The following TTC27 variants were observed in gnomAD, a reference collection of about 807,000 sequenced individuals.
TTC27 encodes tetratricopeptide repeat domain 27.
Under a neutral mutation model 115.9 loss-of-function variants are expected in TTC27, and 79 were observed. The observed-to-expected ratio is 0.68, with a 90% CI of 0.57 to 0.82. The LOEUF (loss-of-function observed/expected upper bound fraction) is 0.82, where lower values mean the gene tolerates loss of function less well. TTC27 is among the 40% of genes least tolerant of loss of function. The pLI, the probability that TTC27 is intolerant of heterozygous loss-of-function variation, is 0.00. For synonymous variants in TTC27, 401 were observed against 356.0 expected (o/e 1.13, Z -1.42); for missense variants, 1,054 against 993.1 (o/e 1.06, Z -0.82).
intron 2 of TTC27, among the ~76,000 whole-genome samples, chr2:32,633,241 GCTCT>G (rs1395592453): frequency 6.6e-5 from 10 of 151,976 alleles, no homozygotes; most frequent in Admixed American, 5.2e-4. Context: ...AGATAGAAGT[GCTCT>G]CTATCTTCAT....
intron 2 of TTC27, 140 bp from the exon 3 acceptor site, chr2:32,633,736 T>C (rs1459204281): frequency 8.3e-6 from 8 of 967,020 alleles, no homozygotes; most frequent in Middle Eastern, 3.0e-4. Flanking sequence ...AGAAATTTTT[T>C]TTTTTGGTAA....
intron 9 of TTC27, among the ~76,000 whole-genome samples, chr2:32,700,316 T>A (rs1363752975): frequency 6.6e-6 from 1 of 152,128 alleles, no homozygotes; most frequent in East Asian, 1.9e-4. Context: ...CTTCCCCAGG[T>A]CACTTGGTGG....
intron 6 of TTC27, among the ~76,000 whole-genome samples, chr2:32,665,464 G>A (rs188109728): frequency 3.0e-4 from 46 of 152,292 alleles, no homozygotes; most frequent in Admixed American, 1.3e-4. Flanking sequence ...ATACTTAATT[G>A]TTGGTATATT....
chr2:32,650,908 G>T (rs552791491), intron 5 of TTC27, among the ~76,000 whole-genome samples: 1 of 152,050 alleles, frequency 6.6e-6, no homozygotes, highest in Non-Finnish European at 1.5e-5. Context: ...TATTCCTCCT[G>T]TATCCTAGGG....
intron 8 of TTC27, among the ~76,000 whole-genome samples, chr2:32,676,365 A>G (rs1282391865): frequency 6.6e-6 from 1 of 151,970 alleles, no homozygotes; most frequent in Non-Finnish European, 1.5e-5. Context: ...TTTCTTTTCC[A>G]ACAATAAAAA....
intron 17 of TTC27, 149 bp downstream of exon 17, chr2:32,811,370 G>A (rs1049953509): frequency 3.9e-5 from 29 of 745,372 alleles, no homozygotes; most frequent in African/African-American, 1.6e-4. Context: ...TTTAACCTAC[G>A]TACTTTGAAT....
intron 7 of TTC27, among the ~76,000 whole-genome samples, chr2:32,672,045 T>A (rs1666032887): frequency 6.6e-6 from 1 of 152,250 alleles, no homozygotes; most frequent in African/African-American, 2.4e-5. Flanking sequence ...ATAGCTGTTA[T>A]TCCCTATTAT....
chr2:32,784,757 G>A (rs966277161), intron 15 of TTC27, among the ~76,000 whole-genome samples: 2 of 152,152 alleles, frequency 1.3e-5, no homozygotes, highest in Non-Finnish European at 2.9e-5. Context: ...GGACATATAG[G>A]AAAAAGGATA....
rs143908434 is a variant in TTC27, at chr2:32,666,702, G to C, written c.873G>C (p.Arg291Ser). Residue 291 changes from arginine (R) to serine (S), a missense_variant, in exon 7 of 20, where the codon AGG becomes AGC. By Grantham distance (110) the Arg-to-Ser change is moderately radical (BLOSUM62 -1). Coordinates refer to ENST00000317907, the MANE Select transcript of TTC27 (RefSeq NM_017735.5). ...CACAACTGATTCTAGATGTAAGAAG[G>C]GAAGGGGATGTCCTTTCAAATTGTG... ...YVAQLILDVR[R>S]EGDVLSNCEF... is the part of the protein sequence containing the mutation. 18 of 1,614,026 alleles carry C rather than the reference G, an allele frequency of 1.1e-5. No homozygotes were observed. Among genetic ancestry groups the C allele is most frequent in the African/African-American group, 1.3e-5 (1 of 75,018 alleles).
At chr2:32,684,336 T>A (rs1441854550) in intron 9 of TTC27, among the ~76,000 whole-genome samples, 2 of 152,080 alleles carry the variant, frequency 1.3e-5, no homozygotes, top group Non-Finnish European at 2.9e-5. Context: ...GTTGGACATT[T>A]GGGTTGGTTC....
intron 9 of TTC27, among the ~76,000 whole-genome samples, chr2:32,680,465 T>C (rs1389701561): frequency 6.6e-6 from 1 of 151,792 alleles, no homozygotes; most frequent in Non-Finnish European, 1.5e-5. Context: ...TGAGGAGAAA[T>C]ATAAAGCAGG....
intron 16 of TTC27, among the ~76,000 whole-genome samples, chr2:32,787,482 T>C (rs191092054): frequency 1.3e-5 from 2 of 152,208 alleles, no homozygotes; most frequent in Non-Finnish European, 2.9e-5. Context: ...CTCTGACTTT[T>C]GGTAGCTGGA....
At chr2:32,772,756 A>G (rs1005038847) in intron 13 of TTC27, among the ~76,000 whole-genome samples, 1 of 152,214 alleles carries the variant, frequency 6.6e-6, no homozygotes, top group African/African-American at 2.4e-5. Context: ...TATAAGTTGA[A>G]GTGCTTCTAT....
chr2:32,763,299 A>T (rs535423677), intron 13 of TTC27, among the ~76,000 whole-genome samples: 1 of 152,354 alleles, frequency 6.6e-6, no homozygotes, highest in East Asian at 1.9e-4. Flanking sequence ...AACTGTCTGG[A>T]GGGAGAACGC....
At chr2:32,742,932 C>G (rs1469661674) in intron 12 of TTC27, among the ~76,000 whole-genome samples, 2 of 152,122 alleles carry the variant, frequency 1.3e-5, no homozygotes, top group East Asian at 3.9e-4. Context: ...AAGCTATTGT[C>G]AAGATGCCAA....
At chr2:32,649,545 ATTT>A (rs202170602) in intron 4 of TTC27, among the ~76,000 whole-genome samples, 10 of 136,256 alleles carry the variant, frequency 7.3e-5, no homozygotes, top group Admixed American at 7.5e-5. Flanking sequence ...TGAATACAAC[ATTT>A]TTTTTTTTTT....
At chr2:32,696,869 T>C (rs768687458) in intron 9 of TTC27, among the ~76,000 whole-genome samples, 9 of 152,234 alleles carry the variant, frequency 5.9e-5, no homozygotes, top group Non-Finnish European at 1.2e-4. Context: ...ACAGTTCCTG[T>C]TATTCCTTGA....
intron 16 of TTC27, among the ~76,000 whole-genome samples, chr2:32,810,023 A>T (rs1271123810): frequency 6.6e-6 from 1 of 151,796 alleles, no homozygotes; most frequent in East Asian, 1.9e-4. Context: ...AGGCTGAGGC[A>T]GGAGAATCAC....
chr2:32,668,185 C>T (rs952110288), intron 7 of TTC27, among the ~76,000 whole-genome samples: 6 of 150,682 alleles, frequency 4.0e-5, no homozygotes, highest in Admixed American at 2.0e-4. Flanking sequence ...AGCAAGACTC[C>T]GTCTCAAAAA....
Sources: gnomAD v4.1 joint callset for allele counts (sites outside exome capture counted in the v4.1 genomes callset) on GRCh38, gnomAD v4.1.1 for gene constraint, MANE v1.5 for transcripts, NCBI Gene and HGNC (gene_info 2026-07-23, HGNC 2026-07-21) for gene names.